The following ARID4B variants were observed in gnomAD, a reference collection of about 807,000 sequenced individuals.
ARID4B encodes AT-rich interactive domain-containing protein 4B.
Under a neutral mutation model 147.5 loss-of-function variants are expected in ARID4B, and 26 were observed. The ratio of observed to expected loss-of-function variants is 0.18; its 90% CI spans 0.13 to 0.24. The LOEUF is 0.24. Ranked by LOEUF, ARID4B falls within the 10% of genes least tolerant of loss-of-function variation. The probability of loss-of-function intolerance (pLI) is 1.00; values close to 1 mark genes in which losing one functional copy is unlikely to be tolerated. For synonymous variants in ARID4B, 512 were observed against 507.9 expected (o/e 1.01, Z -0.11); for missense variants, 1,179 against 1,511.5 (o/e 0.78, Z 3.65).
intron 2 of ARID4B, among the ~76,000 whole-genome samples, chr1:235,282,021 C>T (rs960213400): frequency 6.6e-6 from 1 of 152,138 alleles, no homozygotes; most frequent in African/African-American, 2.4e-5. Flanking sequence ...CATGAATATA[C>T]ACCATGATTC....
chr1:235,232,830 TTTTTG>T (rs373943094), intron 9 of ARID4B, among the ~76,000 whole-genome samples: 89 of 152,098 alleles, frequency 5.9e-4, no homozygotes, highest in Non-Finnish European at 1.2e-3. Context: ...TCTACATTTT[TTTTTG>T]TTTTGTTTTG....
intron 2 of ARID4B, among the ~76,000 whole-genome samples, chr1:235,310,256 A>G (rs1673951169): frequency 8.7e-6 from 1 of 115,228 alleles, no homozygotes; most frequent in African/African-American, 3.3e-5. Context: ...TAAATTTAAA[A>G]CTTTTTCAAC....
Position 235,177,816 on chromosome 1 carries a change from T to C in ARID4B, c.3432A>G (p.Lys1144=). 6.2e-7 allele frequency: 1 copy of C among 1,608,902 alleles called. No individual in the cohort carries two copies. The highest frequency in any genetic ancestry group is 8.5e-7 in the Non-Finnish European group (1 of 1,177,488). Residue 1144 remains lysine (K), a synonymous_variant, in exon 21 of 24, where the codon AAA becomes AAG. Coordinates refer to ENST00000264183, the MANE Select transcript of ARID4B (RefSeq NM_016374.6). ...RSHKATVVNN[K]KKGKGTNSSD... ...CACACTTACTGCCTTTTCCCTTCTT[T>C]TTGTTGTTTACCACTGTTGCTTTAT... is the stretch of plus-strand genomic sequence containing the variant.
chr1:235,224,339 A>C (rs1455175823), intron 12 of ARID4B, among the ~76,000 whole-genome samples: 1 of 152,216 alleles, frequency 6.6e-6, no homozygotes, highest in Non-Finnish European at 1.5e-5. Context: ...CTTCTGGCAG[A>C]TTAAATAAGC....
chr1:235,263,019 G>A (rs1326823640), intron 2 of ARID4B, among the ~76,000 whole-genome samples: 1 of 152,052 alleles, frequency 6.6e-6, no homozygotes, highest in Non-Finnish European at 1.5e-5. Flanking sequence ...AGTTCACTTT[G>A]TGGTTCAATT....
intron 11 of ARID4B, among the ~76,000 whole-genome samples, chr1:235,227,455 C>T (rs1244059941): frequency 6.6e-6 from 1 of 152,124 alleles, no homozygotes; most frequent in African/African-American, 2.4e-5. Flanking sequence ...AAAATATAAC[C>T]TCCAAAACAA....
chr1:235,301,935 C>T (rs1293467198), intron 2 of ARID4B, among the ~76,000 whole-genome samples: 1 of 151,248 alleles, frequency 6.6e-6, no homozygotes, highest in African/African-American at 2.4e-5. Context: ...TCAGGTGATC[C>T]GCCCACCTCG....
chr1:235,287,289 T>C (rs527357530), intron 2 of ARID4B, among the ~76,000 whole-genome samples: 1 of 152,068 alleles, frequency 6.6e-6, no homozygotes, highest in African/African-American at 2.4e-5. Context: ...TTTTACCTTT[T>C]TTCTCCTCAC....
intron 2 of ARID4B, among the ~76,000 whole-genome samples, chr1:235,285,215 TAA>T (rs1364786763): frequency 6.6e-6 from 1 of 152,164 alleles, no homozygotes; most frequent in African/African-American, 2.4e-5. Context: ...CCAAAAATTC[TAA>T]ATAAAATTCT....
At chr1:235,268,423 G>A (rs188984223) in intron 2 of ARID4B, among the ~76,000 whole-genome samples, 3 of 152,060 alleles carry the variant, frequency 2.0e-5, no homozygotes. Context: ...GTGTGCGTGT[G>A]TGTCCCTATA....
intron 2 of ARID4B, among the ~76,000 whole-genome samples, chr1:235,280,389 G>A (rs1003189090): frequency 8.5e-5 from 13 of 152,214 alleles, no homozygotes; most frequent in African/African-American, 3.1e-4. Flanking sequence ...AATACATACT[G>A]GGCAGGCTCT....
intron 3 of ARID4B, among the ~76,000 whole-genome samples, chr1:235,258,292 A>G (rs189869148): frequency 6.6e-6 from 1 of 152,158 alleles, no homozygotes; most frequent in East Asian, 1.9e-4. Context: ...AGATTGCGTC[A>G]CTGCACTCCA....
intron 2 of ARID4B, among the ~76,000 whole-genome samples, chr1:235,298,379 C>T (rs990465720): frequency 1.3e-5 from 2 of 151,814 alleles, no homozygotes; most frequent in African/African-American, 4.8e-5. Flanking sequence ...GAATTAACAC[C>T]ACTAATTTTC....
intron 2 of ARID4B, among the ~76,000 whole-genome samples, chr1:235,272,964 G>A (rs971473553): frequency 2.0e-5 from 3 of 152,172 alleles, no homozygotes; most frequent in Non-Finnish European, 4.4e-5. Context: ...AAGAATGATA[G>A]GGGCATTGGT....
chr1:235,221,813 T>A (rs1667481756), intron 13 of ARID4B, 151 bp from the exon 14 acceptor site: 1 of 387,918 alleles, frequency 2.6e-6, no homozygotes, highest in Admixed American at 4.2e-5. Flanking sequence ...TAAATTTGGT[T>A]TAAAAATAAA....
In ARID4B at chr1:235,301,534, CTTTTTTTTTT is replaced by C. The variant is rs567369149; in HGVS notation, c.6+25370_6+25379del. ...AGCCGGTGAGAGTGAGACCCTATTTCTTTTTTTTTTTTTTTTTTTTCTCCTTTTGAGACAG... is the reference window on the plus strand; with the variant it reads ...AGCCGGTGAGAGTGAGACCCTATTTCTTTTTTTTTTCTCCTTTTGAGACAG... On this transcript the variant is annotated intron_variant, in intron 2 of 23. Transcript: ENST00000264183. Among the ~76,000 whole-genome samples the C allele has an allele frequency of 6.3e-4, 63 of 99,822 alleles. No homozygotes were observed. The South Asian group carries it at 7.3e-3, about 11-fold the overall frequency. 65.5% of individuals were successfully genotyped at this position (99,822 alleles called of 152,430 possible). A position where few individuals can be genotyped will look rare whatever the true frequency, so the allele number is the denominator to read the frequency against.
At chr1:235,308,844 A>T (rs1281065673) in intron 2 of ARID4B, among the ~76,000 whole-genome samples, 1 of 151,718 alleles carries the variant, frequency 6.6e-6, no homozygotes, top group Non-Finnish European at 1.5e-5. Flanking sequence ...CCTCCCAGCC[A>T]CCTGCCTTGG....
intron 2 of ARID4B, among the ~76,000 whole-genome samples, chr1:235,286,529 TA>T (rs1418940614): frequency 6.6e-5 from 10 of 152,180 alleles, no homozygotes; most frequent in African/African-American, 2.4e-4. Flanking sequence ...AAATCTATCT[TA>T]GGATCTCAGA....
chr1:235,192,510 G>A (rs1364804413), intron 19 of ARID4B, among the ~76,000 whole-genome samples: 1 of 151,914 alleles, frequency 6.6e-6, no homozygotes, highest in Non-Finnish European at 1.5e-5. Context: ...AATTAGTACA[G>A]TGGTGAGTAA....
Sources: allele counts gnomAD v4.1 joint callset (sites outside exome capture counted in the v4.1 genomes callset), GRCh38; gene constraint gnomAD v4.1.1; transcripts MANE v1.5; gene names NCBI Gene and HGNC (gene_info 2026-07-23, HGNC 2026-07-21).